Variants in ABCB1 observed in about 807,000 individuals in gnomAD.
ABCB1 encodes the protein ATP-dependent translocase ABCB1.
ABCB1 carries 69 observed loss-of-function variants against 142.0 expected under a neutral mutation model. The observed-to-expected ratio is 0.49, with a 90% CI of 0.40 to 0.59. The LOEUF is 0.59. Ranked by LOEUF, ABCB1 falls within the 20% of genes least tolerant of loss-of-function variation. The pLI, the probability that ABCB1 is intolerant of heterozygous loss-of-function variation, is 0.00. For synonymous variants in ABCB1, 532 were observed against 539.2 expected (o/e 0.99, Z 0.18); for missense variants, 1,326 against 1,554.7 (o/e 0.85, Z 2.47).
chr7:87,564,316 G>A (rs1050052529), intron 7 of ABCB1, among the ~76,000 whole-genome samples: 2 of 152,148 alleles, frequency 1.3e-5, no homozygotes, highest in Admixed American at 1.3e-4. Flanking sequence ...TATTATTTTG[G>A]TCGGCTTGAT....
At chr7:87,699,121 A>T (rs758554892) in intron 1 of ABCB1, among the ~76,000 whole-genome samples, 1 of 152,256 alleles carries the variant, frequency 6.6e-6, no homozygotes, top group Admixed American at 6.5e-5. Context: ...TATCTCAGAC[A>T]TTGGTCCTAA....
chr7:87,554,065 G>T, intron 8 of ABCB1, 133 bp from the exon 9 acceptor site: 1 of 792,382 alleles, frequency 1.3e-6, no homozygotes, highest in Non-Finnish European at 2.1e-6. Flanking sequence ...CTCATACATT[G>T]ACCCTATATA....
intron 1 of ABCB1, among the ~76,000 whole-genome samples, chr7:87,668,873 G>A (rs1217507671): frequency 1.3e-5 from 2 of 152,124 alleles, no homozygotes; most frequent in African/African-American, 4.8e-5. Flanking sequence ...TTTTACATTT[G>A]TTGAGGATTG....
intron 8 of ABCB1, among the ~76,000 whole-genome samples, 162 bp downstream of exon 8, chr7:87,561,101 T>C (rs1039828436): frequency 1.3e-5 from 2 of 152,212 alleles, no homozygotes; most frequent in African/African-American, 4.8e-5. Flanking sequence ...CAATTAGAAT[T>C]GCAACTTCTC....
At chr7:87,652,554 T>C (rs575472524) in intron 1 of ABCB1, among the ~76,000 whole-genome samples, 39 of 150,734 alleles carry the variant, frequency 2.6e-4, no homozygotes, top group Non-Finnish European at 4.9e-4. Context: ...ACAGTACGAA[T>C]TGTGTTAATT....
chr7:87,611,360 C>T (rs571304869), intron 1 of ABCB1, among the ~76,000 whole-genome samples: 9 of 152,298 alleles, frequency 5.9e-5, no homozygotes, highest in African/African-American at 1.9e-4. Context: ...TTTTTCAGCC[C>T]TTGCTCTCCT....
intron 3 of ABCB1, 53 bp downstream of exon 3, chr7:87,595,713 G>T: frequency 7.5e-7 from 1 of 1,333,280 alleles, no homozygotes; most frequent in Non-Finnish European, 1.1e-6. Flanking sequence ...TTCCATGTAA[G>T]GAGATGTCAA....
intron 1 of ABCB1, among the ~76,000 whole-genome samples, chr7:87,702,558 C>T (rs891552704): frequency 4.6e-5 from 7 of 152,082 alleles, no homozygotes; most frequent in Admixed American, 2.0e-4. Context: ...GGATTACAGG[C>T]GTTGAGTCAC....
chr7:87,692,953 C>T (rs1212576891), intron 1 of ABCB1, among the ~76,000 whole-genome samples: 1 of 151,158 alleles, frequency 6.6e-6, no homozygotes, highest in African/African-American at 2.4e-5. Context: ...AGATGTGGCA[C>T]AGCTGTATGT....
Position 87,570,240 on chromosome 7 carries a change from C to G in ABCB1, c.287-17G>C, listed in dbSNP as rs1374059242. The G allele has an allele frequency of 3.1e-6, 5 of 1,608,164 alleles. No individual in the cohort carries two copies. The African/African-American group carries it at 6.7e-5, about 22-fold the overall frequency. On this transcript the variant is annotated splice_polypyrimidine_tract_variant and intron_variant, in intron 4 of 27. Coordinates refer to ENST00000622132, the MANE Select transcript of ABCB1 (RefSeq NM_001348946.2). Reference sequence around the variant, plus strand: ...TGATATCACCTAGACCACCACAAAACAAACATACCATTTATGTCTCTTTAG... The same window carrying G: ...TGATATCACCTAGACCACCACAAAAGAAACATACCATTTATGTCTCTTTAG...
At chr7:87,563,885 C>T (rs59112334) in intron 7 of ABCB1, among the ~76,000 whole-genome samples, 20,223 of 152,028 alleles carry the variant, frequency 0.13, 1,983 homozygotes, top group African/African-American at 0.28. Flanking sequence ...GAGCTGGAGG[C>T]CATTATGCTT....
chr7:87,677,094 A>C (rs960082452), intron 1 of ABCB1, among the ~76,000 whole-genome samples: 5 of 152,150 alleles, frequency 3.3e-5, no homozygotes, highest in Non-Finnish European at 1.5e-5. Context: ...TACAAGTAGA[A>C]CTGCCATATG....
At chr7:87,511,692 C>T (rs1815015075) in intron 25 of ABCB1, among the ~76,000 whole-genome samples, 1 of 152,094 alleles carries the variant, frequency 6.6e-6, no homozygotes, top group Non-Finnish European at 1.5e-5. Flanking sequence ...GGGGGAAAAC[C>T]AAGACTGGAT....
intron 1 of ABCB1, chr7:87,650,820 A>G: frequency 6.4e-7 from 1 of 1,570,912 alleles, no homozygotes; most frequent in Non-Finnish European, 8.8e-7. Flanking sequence ...TTTTTTTCAT[A>G]GGTTTTCTGT....
At position 87,517,869 on chromosome 7, in the gene ABCB1, CCT is replaced by C. The variant is rs1230402952; in HGVS notation, c.2928-1206_2928-1205del. 5.9e-5 allele frequency among the ~76,000 whole-genome samples: 9 copies of C among 152,318 alleles called. No individual in the cohort carries two copies. In the East Asian group the frequency reaches 1.5e-3, roughly 26 times the overall value. ...ACACCTCCCCTAAATTGGCTTCCAT[CCT>C]CTGTTTTAGGAAGTAGCATGTTTGA... On this transcript the variant is annotated intron_variant, in intron 23 of 27. Transcript: ENST00000622132.
intron 3 of ABCB1, among the ~76,000 whole-genome samples, chr7:87,586,641 G>A (rs1160588215): frequency 6.6e-6 from 1 of 152,126 alleles, no homozygotes; most frequent in African/African-American, 2.4e-5. Context: ...CCAAAACAAA[G>A]ATTAGGCAGC....
chr7:87,640,175 T>C (rs1457570580), intron 1 of ABCB1, among the ~76,000 whole-genome samples: 1 of 148,970 alleles, frequency 6.7e-6, no homozygotes, highest in Non-Finnish European at 1.5e-5. Context: ...TCCTAAAACA[T>C]ACTTATATAT....
chr7:87,633,171 T>C (rs1038643423), intron 1 of ABCB1, among the ~76,000 whole-genome samples: 5 of 152,352 alleles, frequency 3.3e-5, no homozygotes, highest in Admixed American at 2.6e-4. Context: ...AATATTTGAG[T>C]TAAGCTTAAA....
At chr7:87,670,276 TAA>T (rs1431328068) in intron 1 of ABCB1, among the ~76,000 whole-genome samples, 2 of 152,260 alleles carry the variant, frequency 1.3e-5, no homozygotes, top group Non-Finnish European at 2.9e-5. Context: ...TCAATACTTG[TAA>T]TTGCATTGTG....
Sources: gnomAD v4.1 joint callset for allele counts (sites outside exome capture counted in the v4.1 genomes callset) on GRCh38, gnomAD v4.1.1 for gene constraint, MANE v1.5 for transcripts, NCBI Gene and HGNC (gene_info 2026-07-23, HGNC 2026-07-21) for gene names.